The following LATS1 variants were observed in gnomAD, a reference collection of about 807,000 sequenced individuals.
The protein encoded by LATS1 is serine/threonine-protein kinase LATS1.
In LATS1, 25 loss-of-function variants were observed where a neutral mutation model predicts 106.6. The observed-to-expected ratio is 0.23, with a 90% CI of 0.17 to 0.33. The LOEUF is 0.33. Ranked by LOEUF, LATS1 falls within the 10% of genes least tolerant of loss-of-function variation. The pLI, the probability that LATS1 is intolerant of heterozygous loss-of-function variation, is 1.00. For missense variants in LATS1, 1,040 were observed against 1,382.6 expected (o/e 0.75, Z 3.93); for synonymous variants, 465 against 455.6 (o/e 1.02, Z -0.26).
rs1464350068 is a variant in LATS1, at chr6:149,658,766, T to G, written c.*2963A>C. ...ATAGTTTCTATTACAAATAAGAAGGTAGAAAAGATACAGCAGTAGGGCCTG... is the reference window on the plus strand; with the variant it reads ...ATAGTTTCTATTACAAATAAGAAGGGAGAAAAGATACAGCAGTAGGGCCTG... On this transcript the variant is annotated 3_prime_UTR_variant, in exon 8 of 8. Coordinates refer to ENST00000543571, the MANE Select transcript of LATS1 (RefSeq NM_004690.4). 1 of 152,142 alleles carries G rather than the reference T, an allele frequency of 6.6e-6. No homozygotes were observed. Among genetic ancestry groups the G allele is most frequent in the Non-Finnish European group, 1.5e-5 (1 of 68,014 alleles). The allele number at this position is 152,142 out of a possible 1,614,324, so 9.4% of individuals were successfully genotyped here.
At chr6:149,709,904 G>T (rs1783998271) in intron 1 of LATS1, among the ~76,000 whole-genome samples, 1 of 151,716 alleles carries the variant, frequency 6.6e-6, no homozygotes, top group Admixed American at 6.6e-5. Flanking sequence ...TTGAACTCCT[G>T]ACCTCGTGAT....
intron 1 of LATS1, among the ~76,000 whole-genome samples, chr6:149,705,095 A>G (rs1164010759): frequency 6.6e-6 from 1 of 152,038 alleles, no homozygotes; most frequent in African/African-American, 2.4e-5. Context: ...TTTGAAAAAA[A>G]AAAAGATGAA....
rs1030675409 is a variant in LATS1, at chr6:149,660,395, G to A, written c.*1334C>T. The A allele has an allele frequency of 3.4e-5, 8 of 232,774 alleles. No homozygotes were observed. The highest frequency in any genetic ancestry group is 1.2e-3 in the Middle Eastern group (1 of 808). The allele number at this position is 232,774 out of a possible 1,614,324, so 14.4% of individuals were successfully genotyped here. A position where few individuals can be genotyped will look rare whatever the true frequency, so the allele number is the denominator to read the frequency against. On this transcript the variant is annotated 3_prime_UTR_variant, in exon 8 of 8. Coordinates refer to ENST00000543571, the MANE Select transcript of LATS1 (RefSeq NM_004690.4). ...ATACGGTTTCAATTAGCTTTTATGC[G>A]AAGAAAGCTAAAAGTATGAAAATCA...
At chr6:149,717,169 T>C (rs780052287) in intron 1 of LATS1, among the ~76,000 whole-genome samples, 12 of 152,210 alleles carry the variant, frequency 7.9e-5, no homozygotes, top group Non-Finnish European at 1.2e-4. Flanking sequence ...TTGACAAACA[T>C]TAAATTTTGT....
At chr6:149,665,860 T>C (rs1175713174) in intron 7 of LATS1, among the ~76,000 whole-genome samples, 3 of 152,200 alleles carry the variant, frequency 2.0e-5, no homozygotes, top group African/African-American at 7.2e-5. Flanking sequence ...TCCAGAATCT[T>C]GGCTGGGCAC....
chr6:149,690,197 ATTCTT>A (rs1256299315), intron 3 of LATS1, among the ~76,000 whole-genome samples: 1 of 149,790 alleles, frequency 6.7e-6, no homozygotes, highest in Non-Finnish European at 1.5e-5. Flanking sequence ...ACATATATGT[ATTCTT>A]TTCTTTTTTT....
At chr6:149,709,953 C>T (rs1784000571) in intron 1 of LATS1, among the ~76,000 whole-genome samples, 2 of 151,794 alleles carry the variant, frequency 1.3e-5, no homozygotes, top group African/African-American at 2.4e-5. Context: ...GGATTACAGG[C>T]GTGAGCCACT....
chr6:149,668,608 A>ATTT (rs35989414), intron 7 of LATS1, among the ~76,000 whole-genome samples: 1 of 141,978 alleles, frequency 7.0e-6, no homozygotes, highest in Non-Finnish European at 1.5e-5. Flanking sequence ...ATGCCCAGCT[A>ATTT]TTTTTTTTTT....
At chr6:149,699,801 G>C (rs1448460865) in intron 2 of LATS1, among the ~76,000 whole-genome samples, 1 of 152,142 alleles carries the variant, frequency 6.6e-6, no homozygotes, top group African/African-American at 2.4e-5. Context: ...GATGGGTGGG[G>C]TGCACACATA....
chr6:149,665,635 A>C (rs1485592112), intron 7 of LATS1, among the ~76,000 whole-genome samples: 2 of 152,258 alleles, frequency 1.3e-5, no homozygotes, highest in South Asian at 4.1e-4. Context: ...CTCCCCCTCC[A>C]AACTGTAACT....
At chr6:149,678,176 A>AG (rs1360072271) in intron 5 of LATS1, among the ~76,000 whole-genome samples, 1 of 145,782 alleles carries the variant, frequency 6.9e-6, no homozygotes, top group African/African-American at 2.5e-5. Context: ...AAAAAAAAAA[A>AG]AAAAAAAAAA....
intron 3 of LATS1, among the ~76,000 whole-genome samples, chr6:149,685,951 T>C (rs1166064117): frequency 6.6e-6 from 1 of 151,932 alleles, no homozygotes; most frequent in Non-Finnish European, 1.5e-5. Context: ...AAAGATGAAA[T>C]CATGTAAGCA....
At position 149,662,221 on chromosome 6, in the gene LATS1, T is replaced by A. The variant is rs753276745; in HGVS notation, c.2901A>T (p.Thr967=). The A allele has an allele frequency of 1.9e-6, 3 of 1,602,934 alleles. No homozygotes were observed. The Admixed American group carries it at 5.1e-5, about 28-fold the overall frequency. Reference sequence around the variant, plus strand: ...TAGCTTGTGGTGGAATGTGAAGAGATGTTTGCCAGTTGATAACCTTTAAAG... The same window carrying A: ...TAGCTTGTGGTGGAATGTGAAGAGAAGTTTGCCAGTTGATAACCTTTAAAG... ...ETQMKVINWQ[T]SLHIPPQAKL... The change falls in exon 8 of 8, where the codon ACA becomes ACT. Residue 967 remains threonine (T), a synonymous_variant. Coordinates refer to ENST00000543571, the MANE Select transcript of LATS1 (RefSeq NM_004690.4).
At chr6:149,704,933 G>A (rs6899726) in intron 1 of LATS1, among the ~76,000 whole-genome samples, 1,944 of 102,918 alleles carry the variant, frequency 0.019, 45 homozygotes, top group African/African-American at 0.074. Context: ...CACACAATTT[G>A]CAGCAGGCCT....
rs747832418 is a variant in LATS1, at chr6:149,680,437, G to A, written c.2031C>T (p.Ala677=). 2 of 1,608,772 alleles carry A rather than the reference G, an allele frequency of 1.2e-6. No homozygotes were observed. Among genetic ancestry groups the A allele is most frequent in the Non-Finnish European group, 8.5e-7 (1 of 1,177,356 alleles). The change falls in exon 5 of 8, where the codon GCC becomes GCT. Residue 677 remains alanine (A), a synonymous_variant. Coordinates refer to ENST00000543571, the MANE Select transcript of LATS1 (RefSeq NM_004690.4). ...AAAGCATCTTTCTCATTTGATCCTG[G>A]GCATCTTGAGATAATCCAACCTAGG... ...EMMRVGLSQD[A]QDQMRKMLCQ...
At chr6:149,697,262 G>T in intron 2 of LATS1, 2 of 635,318 alleles carry the variant, frequency 3.1e-6, no homozygotes, top group Non-Finnish European at 5.2e-6. Flanking sequence ...CCTACCTAAG[G>T]TCATTTCTCC....
At chr6:149,701,038 T>A (rs1292332170) in intron 2 of LATS1, among the ~76,000 whole-genome samples, 1 of 152,170 alleles carries the variant, frequency 6.6e-6, no homozygotes, top group Non-Finnish European at 1.5e-5. Context: ...CCACCTTGGC[T>A]TCCCAAAGGG....
At chr6:149,704,885 T>C (rs1411012268) in intron 1 of LATS1, among the ~76,000 whole-genome samples, 1 of 64,048 alleles carries the variant, frequency 1.6e-5, no homozygotes, top group African/African-American at 6.2e-5. Flanking sequence ...AGAAATTAAT[T>C]ATACACACAC....
At chr6:149,662,966 CAAAAAAAAAAA>C (rs61479102) in intron 7 of LATS1, among the ~76,000 whole-genome samples, 265 of 96,270 alleles carry the variant, frequency 2.8e-3, no homozygotes, top group Non-Finnish European at 4.5e-3. Context: ...ACACTGTCTC[CAAAAAAAAAAA>C]AAAAAAAAAA....
Sources: allele counts gnomAD v4.1 joint callset (sites outside exome capture counted in the v4.1 genomes callset), GRCh38; gene constraint gnomAD v4.1.1; transcripts MANE v1.5; gene names NCBI Gene and HGNC (gene_info 2026-07-23, HGNC 2026-07-21).